The following LRRC7 variants were observed in gnomAD, a reference collection of about 807,000 sequenced individuals.
LRRC7 encodes leucine rich repeat containing 7, also known as leucine-rich repeat-containing protein 7.
A neutral mutation model predicts 175.7 loss-of-function variants in LRRC7; 23 were observed. That is an observed-to-expected ratio of 0.13 (90% CI 0.09 to 0.19). The LOEUF (loss-of-function observed/expected upper bound fraction) is 0.19, where lower values mean the gene tolerates loss of function less well. Among genes scored for constraint, LRRC7 ranks in the 10% least tolerant of loss-of-function variants. The probability of loss-of-function intolerance (pLI) is 1.00; values close to 1 mark genes in which losing one functional copy is unlikely to be tolerated. For synonymous variants in LRRC7, 685 were observed against 680.9 expected, an observed-to-expected ratio of 1.01 and a Z score of -0.09; for missense variants, 1,354 against 1,904.7, an observed-to-expected ratio of 0.71 and a Z score of 5.38.
intron 2 of LRRC7, among the ~76,000 whole-genome samples, chr1:69,732,909 A>G (rs1667733992): frequency 6.6e-6 from 1 of 152,048 alleles, no homozygotes; most frequent in Admixed American, 6.6e-5. Context: ...AGAAGGTGGG[A>G]ATTAATCAGT....
chr1:69,860,098 C>A (rs1363365989), intron 7 of LRRC7, among the ~76,000 whole-genome samples: 1 of 151,892 alleles, frequency 6.6e-6, no homozygotes, highest in Non-Finnish European at 1.5e-5. Context: ...ATACTCTCAT[C>A]AGGGTTTTTG....
chr1:70,107,291 A>G (rs1665210355), intron 25 of LRRC7, among the ~76,000 whole-genome samples: 1 of 152,244 alleles, frequency 6.6e-6, no homozygotes, highest in East Asian at 1.9e-4. Flanking sequence ...AAAATAAACC[A>G]GTCGTATATA....
At chr1:69,894,426 G>C (rs1023302806) in intron 7 of LRRC7, among the ~76,000 whole-genome samples, 7 of 152,100 alleles carry the variant, frequency 4.6e-5, no homozygotes, top group African/African-American at 1.4e-4. Flanking sequence ...TGATTTTGTT[G>C]GAGGTTTGAA....
intron 1 of LRRC7, among the ~76,000 whole-genome samples, chr1:69,593,266 C>A (rs115904711): frequency 6.6e-6 from 1 of 151,966 alleles, no homozygotes; most frequent in African/African-American, 2.4e-5. Context: ...TAAGCAAATT[C>A]GTGAAAAATA....
intron 18 of LRRC7, among the ~76,000 whole-genome samples, chr1:70,032,316 G>T (rs1353735880): frequency 2.6e-5 from 4 of 151,924 alleles, no homozygotes; most frequent in African/African-American, 9.7e-5. Context: ...TAGCAGACAT[G>T]AATTGAAATC....
chr1:69,597,718 A>C (rs1055148066), intron 1 of LRRC7, among the ~76,000 whole-genome samples: 4 of 152,226 alleles, frequency 2.6e-5, no homozygotes, highest in African/African-American at 7.2e-5. Context: ...ATGTAGATAC[A>C]AAGTAGAGCT....
chr1:69,863,676 C>T (rs967061787), intron 7 of LRRC7, among the ~76,000 whole-genome samples: 2 of 152,120 alleles, frequency 1.3e-5, no homozygotes, highest in African/African-American at 2.4e-5. Context: ...TGTAAAGTTA[C>T]AACTATGAGT....
intron 26 of LRRC7, among the ~76,000 whole-genome samples, chr1:70,121,313 TGA>T (rs1006677349): frequency 1.3e-5 from 2 of 152,216 alleles, no homozygotes; most frequent in African/African-American, 4.8e-5. Flanking sequence ...AACTTTCCAG[TGA>T]GTCAAAATAA....
At position 70,078,829 on chromosome 1, in the gene LRRC7, C is replaced by CAT. The variant is rs1255746067; in HGVS notation, c.4452+2532_4452+2533insTA. Among the ~76,000 whole-genome samples the CAT allele has an allele frequency of 2.0e-4, 28 of 136,638 alleles. 1 individual carries two copies. Among genetic ancestry groups the CAT allele is most frequent in the East Asian group, 1.3e-3 (6 of 4,622 alleles). 89.6% of individuals were successfully genotyped at this position (136,638 alleles called of 152,430 possible). ...GCGCGCGCACACACACACACGCACA[C>CAT]ACACACACACACACACACACACACT... On this transcript the variant is annotated intron_variant, in intron 24 of 26. Transcript: ENST00000651989.
chr1:69,788,991 T>A (rs898811561), intron 3 of LRRC7, among the ~76,000 whole-genome samples: 30 of 152,186 alleles, frequency 2.0e-4, no homozygotes, highest in African/African-American at 6.5e-4. Flanking sequence ...TATCAATAAA[T>A]GGTTTTTCAT....
chr1:69,845,943 C>T (rs1027634138), intron 7 of LRRC7, among the ~76,000 whole-genome samples: 2 of 152,050 alleles, frequency 1.3e-5, no homozygotes, highest in African/African-American at 4.8e-5. Flanking sequence ...ATGGTACCAT[C>T]CTCTTCAGGA....
intron 7 of LRRC7, chr1:69,873,653 C>G (rs979368934): frequency 2.7e-6 from 1 of 367,312 alleles, no homozygotes; most frequent in Non-Finnish European, 5.7e-6. Flanking sequence ...ATTTTTGGTG[C>G]GCTACCTGCT....
At chr1:69,980,869 T>C (rs1653354085) in intron 9 of LRRC7, among the ~76,000 whole-genome samples, 1 of 152,170 alleles carries the variant, frequency 6.6e-6, no homozygotes, top group Non-Finnish European at 1.5e-5. Context: ...TTCTACAAAA[T>C]AAAAATCTCT....
chr1:69,851,879 G>A (rs1380197898), intron 7 of LRRC7, among the ~76,000 whole-genome samples: 7 of 152,144 alleles, frequency 4.6e-5, no homozygotes, highest in African/African-American at 1.7e-4. Flanking sequence ...GACAGCTGGA[G>A]TTTACCAAAT....
rs116727389 is a variant in LRRC7, at chr1:69,815,619, T to C, written c.422-10129T>C. Among the ~76,000 whole-genome samples the C allele has an allele frequency of 3.9e-3, 598 of 152,300 alleles. 3 individuals are homozygous for C. The highest frequency in any genetic ancestry group is 0.013 in the African/African-American group (529 of 41,566). ...TCTTTCAATGACAGCCATTCACTTA[T>C]CAAAATTATTCTGAACTTAGAGAAT... On this transcript the variant is annotated intron_variant, in intron 4 of 26. Transcript: ENST00000651989.
intron 2 of LRRC7, among the ~76,000 whole-genome samples, chr1:69,746,060 C>T (rs1045845491): frequency 2.0e-5 from 3 of 151,762 alleles, no homozygotes; most frequent in Admixed American, 6.6e-5. Flanking sequence ...AAATATATTT[C>T]ACATGATCTA....
rs144603117 is a variant in LRRC7 at position 70,134,168 on chromosome 1, G to A, written c.*12281G>A. On this transcript the variant is annotated 3_prime_UTR_variant, in exon 27 of 27. Transcript: ENST00000651989. ...ATGAAGTGAATAAGAAATGTATTTC[G>A]AAATGTATTTCAAAATGTCTCTCAC... Among the ~76,000 whole-genome samples the A allele has an allele frequency of 5.1e-3, 781 of 152,198 alleles. 9 individuals are homozygous for A. The highest frequency in any genetic ancestry group is 7.4e-3 in the Non-Finnish European group (500 of 68,008).
chr1:69,751,246 G>C lies in LRRC7; in HGVS notation c.101-8945G>C, dbSNP rs942601415. 1.0e-3 allele frequency among the ~76,000 whole-genome samples: 158 copies of C among 152,138 alleles called. 1 individual carries two copies. Among genetic ancestry groups the C allele is most frequent in the Non-Finnish European group, 5.1e-4 (35 of 67,988 alleles). On this transcript the variant is annotated intron_variant, in intron 2 of 26. Transcript: ENST00000651989. Reference sequence around the variant, plus strand: ...CTCTTACTATCCAATAAATTCAGTAGAGCAGGCACCATAGCTTTTTAACTC... The same window carrying C: ...CTCTTACTATCCAATAAATTCAGTACAGCAGGCACCATAGCTTTTTAACTC...
chr1:70,072,032 TG>T (rs1662427493), intron 23 of LRRC7, among the ~76,000 whole-genome samples: 2 of 152,228 alleles, frequency 1.3e-5, no homozygotes, highest in Non-Finnish European at 2.9e-5. Flanking sequence ...CTGTGGTTTT[TG>T]ACATAAATAT....
Sources: gnomAD v4.1 joint callset for allele counts (sites outside exome capture counted in the v4.1 genomes callset) on GRCh38, gnomAD v4.1.1 for gene constraint, MANE v1.5 for transcripts, NCBI Gene and HGNC (gene_info 2026-07-23, HGNC 2026-07-21) for gene names.